Variants in NLGN1 observed in about 807,000 individuals in gnomAD.
NLGN1 encodes neuroligin 1.
A neutral mutation model predicts 65.5 loss-of-function variants in NLGN1; 12 were observed. The observed-to-expected ratio is 0.18, with a 90% confidence interval of 0.12 to 0.30. The LOEUF (loss-of-function observed/expected upper bound fraction) is 0.30. NLGN1 is among the 10% of genes least tolerant of loss of function. The probability of loss-of-function intolerance (pLI) is 1.00; values close to 1 mark genes in which losing one functional copy is unlikely to be tolerated. For synonymous variants in NLGN1, 350 were observed against 359.5 expected, an observed-to-expected ratio of 0.97 and a Z score of 0.30; for missense variants, 750 against 1,007.1, an observed-to-expected ratio of 0.74 and a Z score of 3.46.
chr3:173,509,809 A>G (rs1183663822), intron 2 of NLGN1, among the ~76,000 whole-genome samples: 1 of 152,182 alleles, frequency 6.6e-6, no homozygotes, highest in Admixed American at 6.6e-5. Flanking sequence ...AGGTCCATAC[A>G]CTACGTTTGA....
chr3:174,123,280 A>G (rs1416613793), intron 4 of NLGN1, among the ~76,000 whole-genome samples: 1 of 152,148 alleles, frequency 6.6e-6, no homozygotes, highest in Non-Finnish European at 1.5e-5. Context: ...GTAGCAGAAC[A>G]TTGGGATTTG....
chr3:173,511,250 GC>G (rs1292181620), intron 2 of NLGN1, among the ~76,000 whole-genome samples: 1 of 151,992 alleles, frequency 6.6e-6, no homozygotes, highest in African/African-American at 2.4e-5. Context: ...ATTTTATATA[GC>G]CTGTTTTAGG....
intron 3 of NLGN1, among the ~76,000 whole-genome samples, chr3:173,655,551 C>T (rs1402543522): frequency 6.6e-6 from 1 of 151,614 alleles, no homozygotes; most frequent in African/African-American, 2.4e-5. Flanking sequence ...ACCAACTGTG[C>T]CTGAAAGAAT....
At chr3:174,022,385 G>A (rs1407218941) in intron 4 of NLGN1, among the ~76,000 whole-genome samples, 1 of 152,080 alleles carries the variant, frequency 6.6e-6, no homozygotes, top group African/African-American at 2.4e-5. Flanking sequence ...TTGGCTCTTG[G>A]TAATGAGGTT....
chr3:174,113,807 T>C (rs1238920346), intron 4 of NLGN1, among the ~76,000 whole-genome samples: 2 of 152,144 alleles, frequency 1.3e-5, no homozygotes, highest in Non-Finnish European at 2.9e-5. Flanking sequence ...GATTAGTTCC[T>C]TGTCAAGTTT....
rs369676534 is a variant in NLGN1 at position 173,661,538 on chromosome 3, A to G, written c.493+56447A>G. Among the ~76,000 whole-genome samples the G allele has an allele frequency of 4.6e-5, 7 of 152,112 alleles. No homozygotes were observed. The East Asian group carries it at 1.2e-3, about 25-fold the overall frequency. ...GTAAGCGAGATTATAGAGCAGGAATAATTCCCCTTAGGATACTGAGTTTAC... is the reference window on the plus strand; with the variant it reads ...GTAAGCGAGATTATAGAGCAGGAATGATTCCCCTTAGGATACTGAGTTTAC... On this transcript the variant is annotated intron_variant, in intron 3 of 6. Coordinates refer to ENST00000457714, the Ensembl canonical transcript of NLGN1.
intron 3 of NLGN1, among the ~76,000 whole-genome samples, chr3:173,675,524 G>A (rs570115015): frequency 1.2e-3 from 177 of 152,130 alleles, no homozygotes; most frequent in African/African-American, 3.5e-3. Flanking sequence ...GGTAAATAAG[G>A]AAAAAGTGCT....
chr3:173,549,702 A>G (rs1316285551), intron 2 of NLGN1, among the ~76,000 whole-genome samples: 1 of 152,088 alleles, frequency 6.6e-6, no homozygotes, highest in Non-Finnish European at 1.5e-5. Context: ...TTATATGCTT[A>G]TATTACTGGC....
Position 173,807,936 on chromosome 3 carries a change from T to A in NLGN1, c.646+104T>A, listed in dbSNP as rs1717015764. 6 of 1,224,398 alleles carry A rather than the reference T, an allele frequency of 4.9e-6. No homozygotes were observed. In the Admixed American group the frequency reaches 1.2e-4, roughly 25 times the overall value. 75.8% of individuals were successfully genotyped at this position (1,224,398 alleles called of 1,614,324 possible). Reference sequence around the variant, plus strand: ...CTTTGCTTTGTTTCACCCATTTTTTTATGCGTGTTGACATTCTCGAGCCCA... The same window carrying A: ...CTTTGCTTTGTTTCACCCATTTTTTAATGCGTGTTGACATTCTCGAGCCCA... On this transcript the variant is annotated intron_variant, in intron 4 of 6. Coordinates refer to ENST00000457714, the Ensembl canonical transcript of NLGN1.
At chr3:173,620,554 A>C (rs201176200) in intron 3 of NLGN1, among the ~76,000 whole-genome samples, 4 of 152,220 alleles carry the variant, frequency 2.6e-5, no homozygotes, top group East Asian at 1.9e-4. Flanking sequence ...GAGGAGAAAA[A>C]GGGGGAAAGG....
intron 2 of NLGN1, among the ~76,000 whole-genome samples, chr3:173,441,619 C>T (rs1393854632): frequency 6.6e-6 from 1 of 152,092 alleles, no homozygotes; most frequent in African/African-American, 2.4e-5. Flanking sequence ...TTAAGTCTGC[C>T]ATCTTTGTGG....
At chr3:174,281,068 C>T in exon 7 of NLGN1, 2 of 1,613,296 alleles carry the variant, frequency 1.2e-6, no homozygotes, top group South Asian at 1.1e-5. Context: ...GAATGTGAGT[C>T]CATTCATCCA....
At chr3:173,771,587 G>T (rs984294836) in intron 3 of NLGN1, among the ~76,000 whole-genome samples, 9 of 33,528 alleles carry the variant, frequency 2.7e-4, no homozygotes, top group Non-Finnish European at 7.5e-4. Context: ...TATGAGGTTT[G>T]TATGTTACCA....
chr3:173,700,307 G>C (rs1766934821), intron 3 of NLGN1, among the ~76,000 whole-genome samples: 1 of 152,168 alleles, frequency 6.6e-6, no homozygotes, highest in Admixed American at 6.5e-5. Flanking sequence ...GCAATCAAAA[G>C]AGCCAGATTA....
chr3:173,812,530 C>A (rs1718157163), intron 4 of NLGN1, among the ~76,000 whole-genome samples: 1 of 151,816 alleles, frequency 6.6e-6, no homozygotes, highest in Non-Finnish European at 1.5e-5. Flanking sequence ...GAGTTCAAGA[C>A]AAGTCTGGGC....
intron 3 of NLGN1, among the ~76,000 whole-genome samples, chr3:173,716,709 C>A (rs975739500): frequency 1.3e-5 from 2 of 151,930 alleles, no homozygotes; most frequent in Admixed American, 1.3e-4. Flanking sequence ...TGCTGGGAGC[C>A]AAATGTATCC....
intron 4 of NLGN1, among the ~76,000 whole-genome samples, chr3:173,951,712 C>G (rs1009308521): frequency 1.3e-5 from 2 of 152,080 alleles, no homozygotes; most frequent in African/African-American, 4.8e-5. Flanking sequence ...CTGCACACCT[C>G]GACCTCCCAA....
intron 4 of NLGN1, among the ~76,000 whole-genome samples, chr3:173,944,804 A>C (rs910500665): frequency 6.6e-6 from 1 of 152,192 alleles, no homozygotes; most frequent in African/African-American, 2.4e-5. Flanking sequence ...TAGCTCCTTG[A>C]AGGAAATGGT....
chr3:173,738,368 A>T (rs1774109139), intron 3 of NLGN1, among the ~76,000 whole-genome samples: 1 of 152,046 alleles, frequency 6.6e-6, no homozygotes, highest in East Asian at 1.9e-4. Context: ...TAAGAATTTT[A>T]TATGTTTTGT....
Sources: allele counts gnomAD v4.1 joint callset (sites outside exome capture counted in the v4.1 genomes callset), GRCh38; gene constraint gnomAD v4.1.1; transcripts MANE v1.5; gene names NCBI Gene and HGNC (gene_info 2026-07-23, HGNC 2026-07-21).